The following EPB41L2 variants were observed in gnomAD, a reference collection of about 807,000 sequenced individuals.
EPB41L2 encodes band 4.1-like protein 2.
Under a neutral mutation model 113.0 loss-of-function variants are expected in EPB41L2, and 43 were observed. The ratio of observed to expected loss-of-function variants is 0.38; its 90% CI spans 0.30 to 0.49. The LOEUF (loss-of-function observed/expected upper bound fraction) is 0.49. EPB41L2 is among the 20% of genes least tolerant of loss of function. The pLI is 0.95. For missense variants in EPB41L2, 1,147 were observed against 1,223.4 expected, an observed-to-expected ratio of 0.94 and a Z score of 0.93; for synonymous variants, 442 against 436.7, an observed-to-expected ratio of 1.01 and a Z score of -0.15.
intron 1 of EPB41L2, among the ~76,000 whole-genome samples, chr6:130,982,388 C>G (rs538483557): frequency 2.6e-5 from 4 of 152,288 alleles, no homozygotes; most frequent in African/African-American, 9.6e-5. Context: ...AAATATATAA[C>G]AGTTGCAGTT....
At chr6:130,954,413 A>G (rs1346036348) in intron 3 of EPB41L2, among the ~76,000 whole-genome samples, 7 of 152,158 alleles carry the variant, frequency 4.6e-5, no homozygotes, top group Non-Finnish European at 1.0e-4. Context: ...TGTAACATGT[A>G]ACACTGAAAA....
intron 10 of EPB41L2, among the ~76,000 whole-genome samples, chr6:130,892,613 A>G (rs1158981127): frequency 6.6e-6 from 1 of 151,612 alleles, no homozygotes; most frequent in African/African-American, 2.4e-5. Flanking sequence ...ATATTTTATG[A>G]GTTATATTTC....
intron 3 of EPB41L2, among the ~76,000 whole-genome samples, chr6:130,941,051 C>T (rs961232584): frequency 2.6e-5 from 4 of 152,030 alleles, no homozygotes; most frequent in East Asian, 1.9e-4. Flanking sequence ...ATCTTCTCAG[C>T]TCAAGTAGGA....
intron 1 of EPB41L2, among the ~76,000 whole-genome samples, chr6:131,025,050 GT>G (rs975606781): frequency 1.2e-4 from 18 of 148,414 alleles, no homozygotes; most frequent in East Asian, 4.0e-4. Flanking sequence ...TTATTTCAGG[GT>G]TTTTTTTTTA....
intron 1 of EPB41L2, among the ~76,000 whole-genome samples, chr6:131,008,174 T>C (rs1288090913): frequency 6.6e-6 from 1 of 151,986 alleles, no homozygotes; most frequent in Non-Finnish European, 1.5e-5. Flanking sequence ...GGGCCCAGGG[T>C]CCCCTGCTCT....
intron 1 of EPB41L2, among the ~76,000 whole-genome samples, chr6:130,999,875 G>A (rs550476197): frequency 6.6e-6 from 1 of 152,246 alleles, no homozygotes; most frequent in South Asian, 2.1e-4. Flanking sequence ...AGAATATCCT[G>A]AGCAAAGGCA....
chr6:130,976,446 C>G (rs1778228366), intron 1 of EPB41L2, among the ~76,000 whole-genome samples: 1 of 152,090 alleles, frequency 6.6e-6, no homozygotes, highest in East Asian at 1.9e-4. Context: ...TGTTCAATTA[C>G]ATTAAAAACA....
chr6:130,940,102 T>C (rs1205820566), intron 3 of EPB41L2, among the ~76,000 whole-genome samples: 1 of 152,246 alleles, frequency 6.6e-6, no homozygotes, highest in Non-Finnish European at 1.5e-5. Context: ...TATTTTATGC[T>C]TTCTTTCCCA....
chr6:130,961,049 CAGG>C (rs766667741), intron 1 of EPB41L2, among the ~76,000 whole-genome samples: 32 of 152,226 alleles, frequency 2.1e-4, no homozygotes, highest in Middle Eastern at 3.4e-3. Flanking sequence ...TCAGAAAGAC[CAGG>C]AGATTTGCCT....
intron 5 of EPB41L2, among the ~76,000 whole-genome samples, chr6:130,908,544 T>C (rs1798386706): frequency 6.6e-6 from 1 of 152,160 alleles, no homozygotes; most frequent in Non-Finnish European, 1.5e-5. Context: ...TACAGAAAAG[T>C]AGTTTCTCTT....
chr6:131,000,785 C>T (rs1236485735), intron 1 of EPB41L2: 1 of 152,184 alleles, frequency 6.6e-6, no homozygotes, highest in Non-Finnish European at 1.5e-5. Flanking sequence ...CAATCCAGTC[C>T]TAGTGCTTAA....
At chr6:131,016,700 C>A (rs1005962151) in intron 1 of EPB41L2, among the ~76,000 whole-genome samples, 3 of 152,058 alleles carry the variant, frequency 2.0e-5, no homozygotes, top group Non-Finnish European at 4.4e-5. Flanking sequence ...ATCCCAGCTA[C>A]TCGGGAGGCT....
intron 12 of EPB41L2, chr6:130,881,333 G>A (rs1231598504): frequency 1.3e-5 from 2 of 152,124 alleles, no homozygotes; most frequent in Non-Finnish European, 2.9e-5. Flanking sequence ...AGGTAAGCAA[G>A]GAGCTCAGAG....
At chr6:130,859,348 C>G (rs1329032482) in intron 18 of EPB41L2, among the ~76,000 whole-genome samples, 1 of 152,010 alleles carries the variant, frequency 6.6e-6, no homozygotes, top group Non-Finnish European at 1.5e-5. Flanking sequence ...TGGTGAAACC[C>G]AGTCTCTACT....
At chr6:130,903,589 T>C (rs1233510224) in intron 6 of EPB41L2, among the ~76,000 whole-genome samples, 1 of 152,090 alleles carries the variant, frequency 6.6e-6, no homozygotes, top group Non-Finnish European at 1.5e-5. Context: ...TAAGCCCCTC[T>C]AGTTTTCTAA....
In EPB41L2 at chr6:131,061,043, G is replaced by A. The variant is rs541554830; in HGVS notation, c.-15+2112C>T. On this transcript the variant is annotated intron_variant, in intron 1 of 19. Coordinates refer to ENST00000337057, the MANE Select transcript of EPB41L2 (RefSeq NM_001431.4). The stretch of plus-strand genomic sequence containing the variant: ...GATATATGAAGAGTTCGAGGGACGT[G>A]GCTCAATTCATCCACGAATTTTCTT... Among the ~76,000 whole-genome samples the A allele has an allele frequency of 4.5e-4, 68 of 152,248 alleles. 1 individual carries two copies. The South Asian group carries it at 0.014, about 31-fold the overall frequency.
chr6:130,846,965 A>T (rs1221781703), intron 19 of EPB41L2, among the ~76,000 whole-genome samples: 1 of 152,226 alleles, frequency 6.6e-6, no homozygotes, highest in Non-Finnish European at 1.5e-5. Context: ...TGTCTGAACC[A>T]GTATCTTGAT....
At chr6:130,984,366 T>TCTATCATTATCAA (rs1780040272) in intron 1 of EPB41L2, among the ~76,000 whole-genome samples, 1 of 152,252 alleles carries the variant, frequency 6.6e-6, no homozygotes. Context: ...TCAAGTATTA[T>TCTATCATTATCAA]GTACTGTACC....
At chr6:131,037,256 G>A (rs996947527) in intron 1 of EPB41L2, among the ~76,000 whole-genome samples, 1 of 152,234 alleles carries the variant, frequency 6.6e-6, no homozygotes, top group South Asian at 2.1e-4. Flanking sequence ...AATAAATTAG[G>A]GCTGCTGCCC....
Sources: gnomAD v4.1 joint callset for allele counts (sites outside exome capture counted in the v4.1 genomes callset) on GRCh38, gnomAD v4.1.1 for gene constraint, MANE v1.5 for transcripts, NCBI Gene and HGNC (gene_info 2026-07-23, HGNC 2026-07-21) for gene names.